Variants in FREM3 observed in about 807,000 individuals in gnomAD.
FREM3 encodes FRAS1-related extracellular matrix protein 3.
FREM3 carries 105 observed loss-of-function variants against 129.1 expected under a neutral mutation model. The observed-to-expected ratio is 0.81, with a 90% CI of 0.69 to 0.96. The LOEUF (loss-of-function observed/expected upper bound fraction) is 0.96. FREM3 is among the 40% of genes least tolerant of loss of function. The pLI is 0.00. For synonymous variants in FREM3, 1,014 were observed against 1,044.9 expected, an observed-to-expected ratio of 0.97 and a Z score of 0.57; for missense variants, 2,593 against 2,666.3, an observed-to-expected ratio of 0.97 and a Z score of 0.61.
intron 7 of FREM3, among the ~76,000 whole-genome samples, chr4:143,582,346 T>C (rs966824407): frequency 9.9e-5 from 15 of 152,032 alleles, no homozygotes; most frequent in Admixed American, 2.6e-4. Context: ...AGAGCCTGCC[T>C]ACCAGCCGTT....
At chr4:143,600,275 G>A (rs1738549707) in intron 6 of FREM3, among the ~76,000 whole-genome samples, 1 of 152,144 alleles carries the variant, frequency 6.6e-6, no homozygotes, top group South Asian at 2.1e-4. Context: ...ATAAGTGGGA[G>A]CTAAACCATG....
At chr4:143,578,525 T>C (rs1379583459) in intron 7 of FREM3, among the ~76,000 whole-genome samples, 3 of 152,140 alleles carry the variant, frequency 2.0e-5, no homozygotes, top group African/African-American at 4.8e-5. Flanking sequence ...CCATAAAATA[T>C]TAATTGCAAA....
intron 6 of FREM3, among the ~76,000 whole-genome samples, chr4:143,600,476 T>TA (rs1401060685): frequency 1.3e-5 from 2 of 151,820 alleles, no homozygotes; most frequent in Admixed American, 1.3e-4. Flanking sequence ...CCTATTGAAA[T>TA]AAAAAAAAGA....
At position 143,700,128 on chromosome 4, in the gene FREM3, C is replaced by T. The variant is rs1227017174; in HGVS notation, c.548G>A (p.Ser183Asn). 3 of 1,536,964 alleles carry T rather than the reference C, an allele frequency of 2.0e-6. No individual in the cohort carries two copies. Among genetic ancestry groups the T allele is most frequent in the Non-Finnish European group, 2.6e-6 (3 of 1,146,918 alleles). Reference sequence around the variant, plus strand: ...TCTCCTGTCTATGGCGCGGCTCCAGCTTCGCAGCTTCTCCACTACCAAAGG... The same window carrying T: ...TCTCCTGTCTATGGCGCGGCTCCAGTTTCGCAGCTTCTCCACTACCAAAGG... ...NRPLVVEKLR[S>N]WSRAIDRRVL... Residue 183 changes from serine (S) to asparagine (N), a missense_variant, in exon 1 of 8, where the codon AGC becomes AAC. Physicochemically the swap from Ser to Asn is conservative, Grantham distance 46. Transcript: ENST00000329798.
intron 2 of FREM3, among the ~76,000 whole-genome samples, chr4:143,677,363 C>T (rs1404917491): frequency 1.3e-5 from 2 of 152,144 alleles, no homozygotes; most frequent in African/African-American, 2.4e-5. Flanking sequence ...AAACTGGATC[C>T]CTTCCTTGCA....
At position 143,699,110 on chromosome 4, in the gene FREM3, C is replaced by G. The variant is rs761354495; in HGVS notation, c.1566G>C (p.Glu522Asp). The G allele has an allele frequency of 1.7e-5, 26 of 1,537,412 alleles. No individual in the cohort carries two copies. The highest frequency in any genetic ancestry group is 1.5e-4 in the South Asian group (13 of 84,042). Reference sequence around the variant, plus strand: ...GGAAGTCCACTTGGTGGTGCCCGTCCTCCATCCGGAAGATGATATTGTCAC... The same window carrying G: ...GGAAGTCCACTTGGTGGTGCCCGTCGTCCATCCGGAAGATGATATTGTCAC... ...TYSDNIIFRMEDGHHQVDFLF... is the reference protein window; with the variant it reads ...TYSDNIIFRMDDGHHQVDFLF... The change falls in exon 1 of 8, where the codon GAG (glutamate) becomes GAC (aspartate). Residue 522 changes from glutamate (E) to aspartate (D), a missense_variant. Physicochemically the swap from Glu to Asp is conservative, Grantham distance 45. Around this residue, in one of 2 missense-constraint regions of FREM3, gnomAD observed 2,276 missense variants for 2,267.2 expected, o/e 1.00. Transcript: ENST00000329798. The surrounding 1 kb of genome is among the most constrained non-coding windows in gnomAD (Gnocchi z 4.2).
Position 143,611,265 on chromosome 4 carries a change from A to G in FREM3, c.6028+14T>C, listed in dbSNP as rs1181356743. ...AGCTATTGCCAAAGGTTGGAAAGCA[A>G]CAAATGGACTTACCATCATAACGAT... On this transcript the variant is annotated intron_variant, in intron 6 of 7. Coordinates refer to ENST00000329798, the MANE Select transcript of FREM3 (RefSeq NM_001168235.2). The G allele has an allele frequency of 1.3e-6, 2 of 1,527,732 alleles. No individual in the cohort carries two copies. The highest frequency in any genetic ancestry group is 4.9e-5 in the East Asian group (2 of 40,624). 94.6% of individuals were successfully genotyped at this position (1,527,732 alleles called of 1,614,324 possible). A position where few individuals can be genotyped will look rare whatever the true frequency, so the allele number is the denominator to read the frequency against.
intron 4 of FREM3, among the ~76,000 whole-genome samples, chr4:143,622,423 C>T (rs1201745302): frequency 1.5e-4 from 20 of 136,512 alleles, no homozygotes; most frequent in African/African-American, 3.8e-4. Flanking sequence ...TTTTTTTTTC[C>T]CATTTTGGAA....
At chr4:143,691,517 G>A (rs1346341150) in intron 2 of FREM3, among the ~76,000 whole-genome samples, 1 of 152,152 alleles carries the variant, frequency 6.6e-6, no homozygotes, top group Non-Finnish European at 1.5e-5. Context: ...TGACAGATTT[G>A]CGTTGGCAGT....
At position 143,661,183 on chromosome 4, in the gene FREM3, T is replaced by C. The variant is rs551253586; in HGVS notation, c.5275+31930A>G. Among the ~76,000 whole-genome samples the C allele has an allele frequency of 9.5e-4, 144 of 152,222 alleles. 4 individuals carry two copies. In the East Asian group the frequency reaches 0.024, roughly 25 times the overall value. On this transcript the variant is annotated intron_variant, in intron 2 of 7. Transcript: ENST00000329798. ...TGCCAGTTTTCAAAGGGAATGCTTC[T>C]AGTTTTTGCCCATTCAGTATGATAT...
chr4:143,589,460 G>T (rs916500734), intron 6 of FREM3, among the ~76,000 whole-genome samples: 7 of 152,040 alleles, frequency 4.6e-5, no homozygotes, highest in African/African-American at 1.4e-4. Flanking sequence ...TCTACATGTG[G>T]CTAGCCAGTT....
At chr4:143,657,793 G>T (rs528227216) in intron 2 of FREM3, among the ~76,000 whole-genome samples, 10 of 151,974 alleles carry the variant, frequency 6.6e-5, no homozygotes, top group Admixed American at 1.3e-4. Flanking sequence ...AAAGCCATAG[G>T]CATAGTAAAT....
chr4:143,682,208 C>G (rs1269137992), intron 2 of FREM3, among the ~76,000 whole-genome samples: 1 of 152,128 alleles, frequency 6.6e-6, no homozygotes. Context: ...CTGTTTCACA[C>G]CAACTTCCTA....
Position 143,697,091 on chromosome 4 carries a change from T to A in FREM3, c.3585A>T (p.Lys1195Asn). The change falls in exon 1 of 8, where the codon AAA becomes AAT. Residue 1195 changes from lysine (K) to asparagine (N), a missense_variant. Physicochemically the swap from Lys to Asn is moderately conservative, Grantham distance 94. This residue lies in a region of FREM3 where 2,276 missense variants were observed against 2,267.2 expected (regional missense o/e 1.00). Coordinates refer to ENST00000329798, the MANE Select transcript of FREM3 (RefSeq NM_001168235.2). ...IILPTNDEQP[K>N]LFAHEFKVLE... ...GTACCTTAAACTCATGGGCAAAAAG[T>A]TTAGGCTGCTCATCATTGGTGGGTA... The A allele has an allele frequency of 6.5e-7, 1 of 1,537,680 alleles. No individual in the cohort carries two copies.
chr4:143,627,061 G>A (rs1361403586), intron 3 of FREM3, among the ~76,000 whole-genome samples: 1 of 151,954 alleles, frequency 6.6e-6, no homozygotes, highest in Admixed American at 6.6e-5. Flanking sequence ...ATAGTATACC[G>A]GCATTATGTA....
chr4:143,675,033 A>C (rs2149857023), intron 2 of FREM3, among the ~76,000 whole-genome samples: 1 of 152,340 alleles, frequency 6.6e-6, no homozygotes, highest in South Asian at 2.1e-4. Context: ...CTCTGCACCA[A>C]GTGGACCTAA....
intron 2 of FREM3, among the ~76,000 whole-genome samples, chr4:143,657,607 T>G (rs1023308376): frequency 1.3e-5 from 2 of 152,240 alleles, no homozygotes; most frequent in East Asian, 3.8e-4. Context: ...TGATCTGAAT[T>G]GTAGCACTTT....
chr4:143,640,497 C>G (rs898377140), intron 2 of FREM3, among the ~76,000 whole-genome samples: 8 of 152,070 alleles, frequency 5.3e-5, no homozygotes, highest in African/African-American at 1.7e-4. Flanking sequence ...ATGGAGAAAC[C>G]CTGTCTCTAC....
chr4:143,611,731 G>A (rs1180233607), intron 5 of FREM3, among the ~76,000 whole-genome samples: 1 of 152,120 alleles, frequency 6.6e-6, no homozygotes, highest in Non-Finnish European at 1.5e-5. Flanking sequence ...TAGATTTAGT[G>A]ATTTTTAAAT....
Sources: gnomAD v4.1 joint callset for allele counts (sites outside exome capture counted in the v4.1 genomes callset) on GRCh38, gnomAD v4.1.1 for gene constraint, gnomAD v4.1.1 regional missense constraint, Gnocchi (gnomAD v3.1) non-coding constraint, MANE v1.5 for transcripts, NCBI Gene and HGNC (gene_info 2026-07-23, HGNC 2026-07-21) for gene names.